Variants in CHD1 observed in about 807,000 individuals in gnomAD.
CHD1 encodes chromodomain helicase DNA binding protein 1, also known as ATP-dependent chromatin remodeler CHD1.
Under a neutral mutation model 224.2 loss-of-function variants are expected in CHD1, and 36 were observed. The observed-to-expected ratio is 0.16, with a 90% CI of 0.12 to 0.21. The LOEUF is 0.21. CHD1 is among the 10% of genes least tolerant of loss of function. CHD1 has a pLI of 1.00. For synonymous variants in CHD1, 668 were observed against 658.3 expected, an observed-to-expected ratio of 1.01 and a Z score of -0.23; for missense variants, 1,378 against 1,994.8, an observed-to-expected ratio of 0.69 and a Z score of 5.89.
intron 8 of CHD1, among the ~76,000 whole-genome samples, chr5:98,899,154 C>T (rs972671162): frequency 2.0e-5 from 3 of 152,164 alleles, no homozygotes; most frequent in African/African-American, 7.2e-5. Context: ...ATAACCCACA[C>T]ACATCCTCCC....
intron 22 of CHD1, among the ~76,000 whole-genome samples, chr5:98,880,822 A>C (rs1750119731): frequency 6.6e-6 from 1 of 152,222 alleles, no homozygotes; most frequent in Non-Finnish European, 1.5e-5. Flanking sequence ...AGGACATGCT[A>C]TTTGCCAAAC....
Position 98,872,133 on chromosome 5 carries a change from T to G in CHD1, c.3779A>C (p.Asn1260Thr). The change falls in exon 28 of 36, where the codon AAT (asparagine) becomes ACT (threonine). Residue 1260 changes from asparagine (N) to threonine (T), a missense_variant. By Grantham distance (65) the Asn-to-Thr change is moderately conservative. Transcript: ENST00000614616. ...ATATTCATAGATGCCAATTAACAAA[T>G]TGGAATCATCTTCTTTGCCCCAGTC... Reference protein sequence around the residue: ...DIDWGKEDDSNLLIGIYEYGY... With the variant: ...DIDWGKEDDSTLLIGIYEYGY... 6.2e-7 allele frequency: 1 copy of G among 1,613,702 alleles called. No homozygotes were observed. Among genetic ancestry groups the G allele is most frequent in the Non-Finnish European group, 8.5e-7 (1 of 1,179,664 alleles).
At chr5:98,914,683 A>G (rs1212118016) in intron 2 of CHD1, among the ~76,000 whole-genome samples, 1 of 152,178 alleles carries the variant, frequency 6.6e-6, no homozygotes, top group Non-Finnish European at 1.5e-5. Context: ...CTCTGTCTGG[A>G]GAATGCTTTC....
intron 17 of CHD1, among the ~76,000 whole-genome samples, chr5:98,887,531 G>A (rs1750729808): frequency 6.6e-6 from 1 of 152,120 alleles, no homozygotes; most frequent in Non-Finnish European, 1.5e-5. Flanking sequence ...ACTGAAAACA[G>A]CACCTGACTT....
intron 18 of CHD1, 104 bp downstream of exon 18, chr5:98,885,470 CTTTT>C (rs112846305): frequency 2.6e-6 from 2 of 761,500 alleles, no homozygotes; most frequent in Non-Finnish European, 4.3e-6. Context: ...TAACACCACT[CTTTT>C]TTTATCAAAC....
In CHD1 at chr5:98,899,721, C is replaced by T. The variant is rs1280155512; in HGVS notation, c.860-16G>A. ...GCACCAGTAGCTGAAAACAAAAGCACAAGATCCTTCCATGTAATTAATTCT... is the reference window on the plus strand; with the variant it reads ...GCACCAGTAGCTGAAAACAAAAGCATAAGATCCTTCCATGTAATTAATTCT... On this transcript the variant is annotated splice_polypyrimidine_tract_variant and intron_variant, in intron 7 of 35. Transcript: ENST00000614616. 6.5e-7 allele frequency: 1 copy of T among 1,546,766 alleles called. No homozygotes were observed. The highest frequency in any genetic ancestry group is 1.4e-5 in the African/African-American group (1 of 73,214).
intron 2 of CHD1, among the ~76,000 whole-genome samples, chr5:98,918,770 A>C (rs58527176): frequency 0.089 from 7,267 of 81,502 alleles, 634 homozygotes; most frequent in African/African-American, 0.32. Flanking sequence ...AAAAAAAAAC[A>C]AAAAAAAAAA....
Position 98,928,806 on chromosome 5 carries a change from T to TCGCCGCCGC in CHD1, c.-425_-417dup, listed in dbSNP as rs376566244. On this transcript the variant is annotated 5_prime_UTR_variant, in exon 1 of 36. Transcript: ENST00000614616. ...AGCAAGAGCTATAAGTAACCAGTCG[T>TCGCCGCCGC]CGCCGCCGCCGCCGCCGCCGTCGCG... 6 of 159,242 alleles carry TCGCCGCCGC rather than the reference T, an allele frequency of 3.8e-5. No homozygotes were observed. Among genetic ancestry groups the TCGCCGCCGC allele is most frequent in the Non-Finnish European group, 5.4e-5 (4 of 73,460 alleles). The allele number at this position is 159,242 out of a possible 1,614,324, so 9.9% of individuals were successfully genotyped here. A position where few individuals can be genotyped will look rare whatever the true frequency, so the allele number is the denominator to read the frequency against.
At chr5:98,888,054 A>T (rs776187786) in intron 17 of CHD1, 34 bp downstream of exon 17, 4 of 1,415,022 alleles carry the variant, frequency 2.8e-6, no homozygotes, top group Non-Finnish European at 3.9e-6. Context: ...GAATTAGATA[A>T]AATTTAAAAC....
At chr5:98,868,109 TTTTAC>T (rs1749037520) in intron 31 of CHD1, among the ~76,000 whole-genome samples, 1 of 151,878 alleles carries the variant, frequency 6.6e-6, no homozygotes, top group African/African-American at 2.4e-5. Flanking sequence ...CTTATCTCCC[TTTTAC>T]GCCAAGGAGT....
At chr5:98,883,826 AATATATATATATATATATATAT>A (rs200375047) in intron 18 of CHD1, 10 of 59,120 alleles carry the variant, frequency 1.7e-4, no homozygotes, top group Non-Finnish European at 2.1e-4. Flanking sequence ...TTGGAGACTA[AATATATATATATATATATATAT>A]ATATATATAT....
intron 7 of CHD1, among the ~76,000 whole-genome samples, 168 bp downstream of exon 7, chr5:98,900,643 G>A (rs757653468): frequency 3.3e-5 from 5 of 151,928 alleles, no homozygotes; most frequent in Non-Finnish European, 5.9e-5. Context: ...GTTTTGCCAC[G>A]TTGGCCAGGC....
intron 23 of CHD1, among the ~76,000 whole-genome samples, chr5:98,877,956 C>T (rs1282598951): frequency 6.6e-6 from 1 of 152,132 alleles, no homozygotes. Flanking sequence ...GCAACCTACA[C>T]ATCTAAATGT....
At chr5:98,869,025 TTA>T in intron 30 of CHD1, 1 of 850,988 alleles carries the variant, frequency 1.2e-6, no homozygotes, top group Non-Finnish European at 1.4e-6. Context: ...TTTTCTTCCT[TTA>T]TGTCTTTTTC....
At chr5:98,883,942 A>C (rs189868848) in intron 18 of CHD1, 1 of 148,338 alleles carries the variant, frequency 6.7e-6, no homozygotes, top group Admixed American at 7.5e-5. Context: ...CCTAGGTTCA[A>C]GCAATTCTCC....
rs1751698061 is a variant in CHD1 at position 98,901,354 on chromosome 5, A to T, written c.438-19T>A. ...ATCTTCACTGCAGACAAAATTTATA[A>T]AGTATTTTTATTTGTACTTATATGG... On this transcript the variant is annotated intron_variant, in intron 5 of 35. Coordinates refer to ENST00000614616, the MANE Select transcript of CHD1 (RefSeq NM_001270.4). The T allele has an allele frequency of 6.3e-7, 1 of 1,587,066 alleles. No individual in the cohort carries two copies. The highest frequency in any genetic ancestry group is 8.5e-7 in the Non-Finnish European group (1 of 1,170,954).
chr5:98,922,938 G>A (rs957384684), intron 2 of CHD1, among the ~76,000 whole-genome samples: 2 of 152,022 alleles, frequency 1.3e-5, no homozygotes, highest in Admixed American at 6.5e-5. Flanking sequence ...GCAGTGAGCC[G>A]AGGTCATACC....
At chr5:98,885,080 C>T (rs940713867) in intron 18 of CHD1, among the ~76,000 whole-genome samples, 2 of 151,980 alleles carry the variant, frequency 1.3e-5, no homozygotes, top group Non-Finnish European at 2.9e-5. Context: ...CATGCTGAAA[C>T]ATTATTGATA....
chr5:98,917,385 A>C (rs1752807395), intron 2 of CHD1, among the ~76,000 whole-genome samples: 1 of 151,692 alleles, frequency 6.6e-6, no homozygotes, highest in African/African-American at 2.4e-5. Context: ...GATTGGCCAC[A>C]GATTTTAGTA....
Sources: allele counts gnomAD v4.1 joint callset (sites outside exome capture counted in the v4.1 genomes callset), GRCh38; gene constraint gnomAD v4.1.1; transcripts MANE v1.5; gene names NCBI Gene and HGNC (gene_info 2026-07-23, HGNC 2026-07-21).